Variants in AFF3 observed in about 807,000 individuals in gnomAD.
The protein encoded by AFF3 is ALF transcription elongation factor 3.
A neutral mutation model predicts 129.7 loss-of-function variants in AFF3; 32 were observed. That is an observed-to-expected ratio of 0.25 (90% CI 0.19 to 0.33). The LOEUF (loss-of-function observed/expected upper bound fraction) is 0.33. Among genes scored for constraint, AFF3 ranks in the 10% least tolerant of loss-of-function variants. The pLI is 1.00. For synonymous variants in AFF3, 644 were observed against 635.4 expected, an observed-to-expected ratio of 1.01 and a Z score of -0.20; for missense variants, 1,373 against 1,592.0, an observed-to-expected ratio of 0.86 and a Z score of 2.34.
At chr2:99,709,444 G>A (rs13383540) in intron 11 of AFF3, among the ~76,000 whole-genome samples, 32,170 of 152,012 alleles carry the variant, frequency 0.21, 3,551 homozygotes, top group South Asian at 0.26. Flanking sequence ...TGAAGATCAC[G>A]TGATCTAGCC....
At chr2:99,790,724 T>C (rs1685133825) in intron 8 of AFF3, among the ~76,000 whole-genome samples, 1 of 152,152 alleles carries the variant, frequency 6.6e-6, no homozygotes, top group Non-Finnish European at 1.5e-5. Context: ...TGGCCTAAAA[T>C]GTCCATAGTC....
chr2:99,587,076 C>T (rs1390384877), intron 16 of AFF3, 78 bp downstream of exon 16: 3 of 1,584,476 alleles, frequency 1.9e-6, no homozygotes, highest in Non-Finnish European at 2.6e-6. Flanking sequence ...AAAGCCTGAC[C>T]CTCCTCCAAC....
intron 2 of AFF3, among the ~76,000 whole-genome samples, chr2:100,123,362 C>G (rs1021645058): frequency 2.0e-5 from 3 of 152,170 alleles, no homozygotes; most frequent in Non-Finnish European, 4.4e-5. Flanking sequence ...TGGAAGGATG[C>G]AGAGTCCTGG....
At chr2:99,725,610 G>A (rs1443306186) in intron 11 of AFF3, among the ~76,000 whole-genome samples, 4 of 152,128 alleles carry the variant, frequency 2.6e-5, no homozygotes, top group Admixed American at 6.5e-5. Context: ...GATTACAAGC[G>A]TGAGCCACTG....
chr2:99,802,705 T>C (rs992984114), intron 8 of AFF3, among the ~76,000 whole-genome samples: 5 of 151,756 alleles, frequency 3.3e-5, no homozygotes, highest in Admixed American at 6.5e-5. Flanking sequence ...TTTTTTTTTT[T>C]TTTTTTTGCA....
At chr2:99,839,878 G>A (rs1469477785) in intron 7 of AFF3, among the ~76,000 whole-genome samples, 1 of 152,192 alleles carries the variant, frequency 6.6e-6, no homozygotes, top group African/African-American at 2.4e-5. Flanking sequence ...CCAAAGTGCT[G>A]GGATTACAGG....
intron 7 of AFF3, among the ~76,000 whole-genome samples, chr2:99,984,300 G>A (rs979533522): frequency 2.6e-5 from 4 of 152,190 alleles, no homozygotes; most frequent in African/African-American, 9.6e-5. Context: ...TACAGGAAAG[G>A]AATCTATGAG....
intron 11 of AFF3, among the ~76,000 whole-genome samples, chr2:99,721,524 T>A (rs1319703698): frequency 8.8e-6 from 1 of 113,878 alleles, no homozygotes; most frequent in Non-Finnish European, 1.8e-5. Flanking sequence ...TGAGACTCTG[T>A]CTCAAAAAAA....
At chr2:99,577,594 T>C (rs1199118631) in intron 18 of AFF3, among the ~76,000 whole-genome samples, 1 of 152,232 alleles carries the variant, frequency 6.6e-6, no homozygotes, top group Non-Finnish European at 1.5e-5. Context: ...GCCATGTATT[T>C]GACGCCCGTA....
At chr2:99,597,928 T>C (rs1446554973) in intron 14 of AFF3, among the ~76,000 whole-genome samples, 3 of 152,216 alleles carry the variant, frequency 2.0e-5, no homozygotes, top group Non-Finnish European at 1.5e-5. Context: ...ATCCTTCAAG[T>C]ACCCGCTGCC....
At chr2:99,897,652 C>T (rs1316871391) in intron 7 of AFF3, among the ~76,000 whole-genome samples, 1 of 152,198 alleles carries the variant, frequency 6.6e-6, no homozygotes, top group Non-Finnish European at 1.5e-5. Context: ...TAACTTCCTT[C>T]CAGTTCTGGA....
chr2:99,786,682 T>TAA (rs373497485), intron 8 of AFF3, among the ~76,000 whole-genome samples: 2 of 149,574 alleles, frequency 1.3e-5, no homozygotes, highest in African/African-American at 4.9e-5. Flanking sequence ...AGTTGCATAG[T>TAA]AAAAAAAAAA....
At chr2:99,613,760 G>C (rs908802554) in intron 13 of AFF3, among the ~76,000 whole-genome samples, 10 of 152,130 alleles carry the variant, frequency 6.6e-5, no homozygotes, top group Non-Finnish European at 4.4e-5. Flanking sequence ...CTTAATAATA[G>C]CAGCCTTTGC....
At chr2:99,818,514 C>T (rs1484686519) in intron 8 of AFF3, among the ~76,000 whole-genome samples, 1 of 152,168 alleles carries the variant, frequency 6.6e-6, no homozygotes, top group Non-Finnish European at 1.5e-5. Flanking sequence ...TTTTCTGAGC[C>T]TATCTCTTTG....
At chr2:99,634,695 C>G (rs747009118) in intron 13 of AFF3, among the ~76,000 whole-genome samples, 67 of 152,132 alleles carry the variant, frequency 4.4e-4, no homozygotes, top group Middle Eastern at 6.8e-3. Flanking sequence ...GCACTCCCCT[C>G]CTTCATTATA....
At chr2:99,874,218 G>A (rs1003538655) in intron 7 of AFF3, among the ~76,000 whole-genome samples, 26 of 152,284 alleles carry the variant, frequency 1.7e-4, no homozygotes, top group Middle Eastern at 3.4e-3. Flanking sequence ...TTCCCCTGAT[G>A]TGGCCTGAGA....
At chr2:99,725,454 C>T (rs1308171240) in intron 11 of AFF3, among the ~76,000 whole-genome samples, 1 of 152,026 alleles carries the variant, frequency 6.6e-6, no homozygotes, top group African/African-American at 2.4e-5. Context: ...CTCAGCCTCC[C>T]GTGTAGCTGG....
intron 9 of AFF3, among the ~76,000 whole-genome samples, chr2:99,744,465 AC>A (rs1378363726): frequency 6.6e-6 from 1 of 152,176 alleles, no homozygotes; most frequent in African/African-American, 2.4e-5. Flanking sequence ...TGCAACCACT[AC>A]CTCTATCTAG....
At chr2:99,883,275 G>A (rs769988336) in intron 7 of AFF3, among the ~76,000 whole-genome samples, 9 of 152,094 alleles carry the variant, frequency 5.9e-5, no homozygotes, top group Non-Finnish European at 1.0e-4. Context: ...AACCTTTCAA[G>A]TATAAAAGAA....
Sources: gnomAD v4.1 joint callset for allele counts (sites outside exome capture counted in the v4.1 genomes callset) on GRCh38, gnomAD v4.1.1 for gene constraint, MANE v1.5 for transcripts, NCBI Gene and HGNC (gene_info 2026-07-23, HGNC 2026-07-21) for gene names.